The following SLC1A1 variants were observed in gnomAD, a reference collection of about 807,000 sequenced individuals.
SLC1A1 encodes excitatory amino acid transporter 3.
In SLC1A1, 43 loss-of-function variants were observed where a neutral mutation model predicts 53.3. The observed-to-expected ratio is 0.81, with a 90% CI of 0.63 to 1.04. The LOEUF (loss-of-function observed/expected upper bound fraction) is 1.04, where lower values mean the gene tolerates loss of function less well. Ranked by LOEUF, SLC1A1 falls within the 50% of genes least tolerant of loss-of-function variation. The pLI, the probability that SLC1A1 is intolerant of heterozygous loss-of-function variation, is 0.00. For missense variants in SLC1A1, 748 were observed against 664.9 expected, an observed-to-expected ratio of 1.12 and a Z score of -1.37; for synonymous variants, 307 against 243.2, an observed-to-expected ratio of 1.26 and a Z score of -2.44.
chr9:4,580,601 A>ATGTGTGTGTG lies in SLC1A1; in HGVS notation c.1194-2395_1194-2386dup, dbSNP rs71326118. On this transcript the variant is annotated intron_variant, in intron 10 of 11. Transcript: ENST00000262352. The stretch of plus-strand genomic sequence containing the variant: ...GTCTCTGGAAAAAAAAAAAATATAT[A>ATGTGTGTGTG]TGTGTGTGTGTGTGTGTGTGTGTGT... 9.1e-3 allele frequency among the ~76,000 whole-genome samples: 634 copies of ATGTGTGTGTG among 69,654 alleles called. 9 individuals carry two copies. The highest frequency in any genetic ancestry group is 0.013 in the Non-Finnish European group (418 of 32,470). The allele number at this position is 69,654 out of a possible 152,430, so 45.7% of individuals were successfully genotyped here.
chr9:4,502,390 A>C (rs1001183163), intron 1 of SLC1A1, among the ~76,000 whole-genome samples: 5 of 34,756 alleles, frequency 1.4e-4, no homozygotes, highest in Non-Finnish European at 3.3e-4. Flanking sequence ...CTGTCTCCAG[A>C]AAAAAAAAAA....
intron 1 of SLC1A1, among the ~76,000 whole-genome samples, chr9:4,493,336 G>C (rs1355470245): frequency 6.6e-6 from 1 of 152,152 alleles, no homozygotes; most frequent in East Asian, 1.9e-4. Context: ...ACTCATACTT[G>C]TTTGTGTAGT....
chr9:4,554,416 A>G (rs1377691965), intron 2 of SLC1A1: 1 of 152,244 alleles, frequency 6.6e-6, no homozygotes, highest in Non-Finnish European at 1.5e-5. Context: ...TAAAATAATG[A>G]ACCAATGATA....
At chr9:4,564,537 T>TGAG in intron 4 of SLC1A1, 79 bp downstream of exon 4, 1 of 839,796 alleles carries the variant, frequency 1.2e-6, no homozygotes, top group South Asian at 1.4e-5. Context: ...AATATTCTGC[T>TGAG]GTTACTGTAT....
intron 1 of SLC1A1, among the ~76,000 whole-genome samples, chr9:4,527,901 G>A (rs534967143): frequency 1.3e-5 from 2 of 152,086 alleles, no homozygotes; most frequent in Non-Finnish European, 2.9e-5. Flanking sequence ...CCCTCCTGAA[G>A]TAAGACCAGG....
At chr9:4,504,461 G>A (rs772464306) in intron 1 of SLC1A1, among the ~76,000 whole-genome samples, 44 of 152,222 alleles carry the variant, frequency 2.9e-4, no homozygotes, top group Non-Finnish European at 5.4e-4. Context: ...AACACTAGAT[G>A]TGGTCACCAA....
At chr9:4,526,407 T>A (rs368136663) in intron 1 of SLC1A1, among the ~76,000 whole-genome samples, 4 of 152,196 alleles carry the variant, frequency 2.6e-5, no homozygotes, top group Non-Finnish European at 5.9e-5. Context: ...TCCAGACTGA[T>A]ACCATGTGAG....
intron 3 of SLC1A1, among the ~76,000 whole-genome samples, chr9:4,561,970 C>G (rs924924774): frequency 6.6e-6 from 1 of 151,516 alleles, no homozygotes; most frequent in South Asian, 2.1e-4. Context: ...GTTGCCCAGG[C>G]TGGTCTTGAA....
intron 1 of SLC1A1, among the ~76,000 whole-genome samples, chr9:4,510,091 C>T (rs941168919): frequency 6.6e-6 from 1 of 152,162 alleles, no homozygotes; most frequent in African/African-American, 2.4e-5. Context: ...ACCTTGGCCT[C>T]CCAAAGTGCT....
rs1363317309 is a variant in SLC1A1, at chr9:4,574,001, A to G, written c.862A>G (p.Thr288Ala). 23 of 1,605,362 alleles carry G rather than the reference A, an allele frequency of 1.4e-5. No individual in the cohort carries two copies. Among genetic ancestry groups the G allele is most frequent in the Non-Finnish European group, 1.9e-5 (22 of 1,172,028 alleles). The change falls in exon 8 of 12, where the codon ACA becomes GCA. Residue 288 changes from threonine to alanine, a missense_variant. Coordinates refer to ENST00000262352, the MANE Select transcript of SLC1A1 (RefSeq NM_004170.6). ...IFRKLGLYMA[T>A]VLTGLAIHSI... ...CCGCAAGCTGGGCCTTTACATGGCC[A>G]CAGTCCTGACTGGGTATGTCAGACT...
chr9:4,499,436 G>C (rs1237080042), intron 1 of SLC1A1, among the ~76,000 whole-genome samples: 1 of 152,150 alleles, frequency 6.6e-6, no homozygotes, highest in African/African-American at 2.4e-5. Context: ...ACATATTAAA[G>C]AATTAGGAAA....
At chr9:4,540,143 G>A (rs753444308) in intron 1 of SLC1A1, among the ~76,000 whole-genome samples, 7 of 152,130 alleles carry the variant, frequency 4.6e-5, no homozygotes, top group East Asian at 1.9e-4. Context: ...CTAGACATTG[G>A]AGAGAAGCAG....
At chr9:4,493,456 A>G (rs1820308243) in intron 1 of SLC1A1, among the ~76,000 whole-genome samples, 1 of 152,230 alleles carries the variant, frequency 6.6e-6, no homozygotes, top group Non-Finnish European at 1.5e-5. Context: ...AGCTTATTTT[A>G]TAACTGCCTT....
chr9:4,555,611 T>A (rs17756784), intron 2 of SLC1A1, among the ~76,000 whole-genome samples: 6,315 of 152,260 alleles, frequency 0.041, 203 homozygotes, highest in South Asian at 0.06. Context: ...GCCCCTGACT[T>A]CCAAGGACAA....
chr9:4,507,990 A>G (rs1820860211), intron 1 of SLC1A1, among the ~76,000 whole-genome samples: 1 of 152,136 alleles, frequency 6.6e-6, no homozygotes, highest in Admixed American at 6.5e-5. Context: ...AAGTGGAGGA[A>G]AAGGTGTACC....
Position 4,551,674 on chromosome 9 carries a change from T to C in SLC1A1, c.232+6967T>C, listed in dbSNP as rs191526500. ...ATGAAAATTGCCATTCAAGGTGGTT[T>C]ATAAACTTAAAACTCCAGGCAGGAA... On this transcript the variant is annotated intron_variant, in intron 2 of 11. Coordinates refer to ENST00000262352, the MANE Select transcript of SLC1A1 (RefSeq NM_004170.6). Among the ~76,000 whole-genome samples, 5 of 152,342 alleles carry C rather than the reference T, an allele frequency of 3.3e-5. No individual in the cohort carries two copies. The East Asian group carries it at 9.6e-4, about 29-fold the overall frequency.
Position 4,566,139 on chromosome 9 carries a change from A to T in SLC1A1, c.483+50A>T, listed in dbSNP as rs1438943839. On this transcript the variant is annotated intron_variant, in intron 5 of 11. Coordinates refer to ENST00000262352, the MANE Select transcript of SLC1A1 (RefSeq NM_004170.6). ...AACTTGCTACCCTCTTCCCATTATC[A>T]ATTAAAAATGTTTTTTTCTGCTGTG... is the stretch of plus-strand genomic sequence containing the variant. 3 of 1,511,802 alleles carry T rather than the reference A, an allele frequency of 2.0e-6. No individual in the cohort carries two copies. The South Asian group carries it at 3.4e-5, about 17-fold the overall frequency. The allele number at this position is 1,511,802 out of a possible 1,614,324, so 93.6% of individuals were successfully genotyped here.
At position 4,576,172 on chromosome 9, in the gene SLC1A1, C is replaced by G. The variant is rs139904831; in HGVS notation, c.998+49C>G. On this transcript the variant is annotated intron_variant, in intron 9 of 11. Transcript: ENST00000262352. ...AAGAAGCCTCCAGGCTCAACGTTAT[C>G]AACTCTCACCTCACTTTACAAAACA... is the stretch of plus-strand genomic sequence containing the variant. 5 of 1,573,056 alleles carry G rather than the reference C, an allele frequency of 3.2e-6. No homozygotes were observed. In the East Asian group the frequency reaches 1.1e-4, roughly 35 times the overall value.
intron 1 of SLC1A1, among the ~76,000 whole-genome samples, chr9:4,517,128 T>A (rs1360189694): frequency 6.6e-6 from 1 of 152,204 alleles, no homozygotes; most frequent in Admixed American, 6.5e-5. Flanking sequence ...TGTTTGGGCC[T>A]TAGGCACCTG....
Sources: gnomAD v4.1 joint callset for allele counts (sites outside exome capture counted in the v4.1 genomes callset) on GRCh38, gnomAD v4.1.1 for gene constraint, MANE v1.5 for transcripts, NCBI Gene and HGNC (gene_info 2026-07-23, HGNC 2026-07-21) for gene names.